Variants in EPHB1 observed in about 807,000 individuals in gnomAD.
EPHB1 encodes the protein EPH receptor B1, also known as ephrin type-B receptor 1.
In EPHB1, 30 loss-of-function variants were observed where a neutral mutation model predicts 94.4. That is an observed-to-expected ratio of 0.32 (90% CI 0.24 to 0.43). EPHB1 has a LOEUF of 0.43. EPHB1 is among the 20% of genes least tolerant of loss of function. The pLI is 1.00. For missense variants in EPHB1, 1,055 were observed against 1,308.3 expected, an observed-to-expected ratio of 0.81 and a Z score of 2.99; for synonymous variants, 522 against 489.1, an observed-to-expected ratio of 1.07 and a Z score of -0.89.
At chr3:135,087,419 TA>T (rs1375473138) in intron 3 of EPHB1, among the ~76,000 whole-genome samples, 1 of 152,158 alleles carries the variant, frequency 6.6e-6, no homozygotes, top group African/African-American at 2.4e-5. Context: ...GTGGAAATGG[TA>T]AAGGGGGAAT....
At chr3:134,992,785 C>G (rs559386830) in intron 3 of EPHB1, among the ~76,000 whole-genome samples, 16 of 152,318 alleles carry the variant, frequency 1.1e-4, no homozygotes, top group African/African-American at 3.8e-4. Flanking sequence ...CACCTCTCTA[C>G]TCACAGTGAG....
chr3:135,212,546 C>T (rs1483134915), intron 12 of EPHB1, among the ~76,000 whole-genome samples: 1 of 152,156 alleles, frequency 6.6e-6, no homozygotes, highest in African/African-American at 2.4e-5. Flanking sequence ...CTTATACATG[C>T]GTGTTTCGGG....
chr3:135,242,643 G>A (rs1395660138), intron 13 of EPHB1, among the ~76,000 whole-genome samples: 1 of 152,154 alleles, frequency 6.6e-6, no homozygotes, highest in Non-Finnish European at 1.5e-5. Flanking sequence ...TATTATCTGG[G>A]ATTAGCAACA....
chr3:134,941,083 G>T (rs951207336), intron 2 of EPHB1, among the ~76,000 whole-genome samples: 1 of 152,208 alleles, frequency 6.6e-6, no homozygotes, highest in African/African-American at 2.4e-5. Flanking sequence ...ATTCATGGAG[G>T]TTATAATGAT....
intron 3 of EPHB1, among the ~76,000 whole-genome samples, chr3:135,058,358 C>T (rs1315877323): frequency 6.6e-6 from 1 of 152,206 alleles, no homozygotes; most frequent in African/African-American, 2.4e-5. Flanking sequence ...GCCCACCTCT[C>T]CTCTCCTGTC....
intron 3 of EPHB1, among the ~76,000 whole-genome samples, chr3:135,005,313 A>G (rs1008396105): frequency 8.5e-5 from 13 of 152,332 alleles, no homozygotes; most frequent in Non-Finnish European, 5.9e-5. Context: ...CAGTCTGCCC[A>G]TTCTCAGATC....
At chr3:135,249,222 A>T (rs1207383816) in intron 14 of EPHB1, 114 bp from the exon 15 acceptor site, 5 of 1,252,972 alleles carry the variant, frequency 4.0e-6, no homozygotes, top group Non-Finnish European at 5.5e-6. Context: ...CTCCACTATA[A>T]TCCTCATTCC....
intron 3 of EPHB1, among the ~76,000 whole-genome samples, chr3:135,031,945 G>A (rs1243087018): frequency 6.6e-6 from 1 of 151,930 alleles, no homozygotes; most frequent in Non-Finnish European, 1.5e-5. Flanking sequence ...CAGTGCTGCT[G>A]TTGGGAAAGC....
chr3:134,842,827 A>G (rs911438824), intron 1 of EPHB1, among the ~76,000 whole-genome samples: 1 of 152,206 alleles, frequency 6.6e-6, no homozygotes, highest in Non-Finnish European at 1.5e-5. Flanking sequence ...CCCATGAAGC[A>G]TGTCCTTACC....
At chr3:135,258,243 T>A (rs545205276) in intron 15 of EPHB1, among the ~76,000 whole-genome samples, 3 of 152,316 alleles carry the variant, frequency 2.0e-5, no homozygotes, top group African/African-American at 7.2e-5. Flanking sequence ...TCACTGTTAA[T>A]TAAATTTTTA....
At chr3:135,201,165 G>A (rs1206754985) in intron 11 of EPHB1, among the ~76,000 whole-genome samples, 4 of 152,032 alleles carry the variant, frequency 2.6e-5, no homozygotes, top group African/African-American at 9.7e-5. Flanking sequence ...TGGATTGGGG[G>A]GCGGGCAAGG....
At chr3:134,884,047 C>A (rs1256074230) in intron 1 of EPHB1, among the ~76,000 whole-genome samples, 3 of 152,238 alleles carry the variant, frequency 2.0e-5, no homozygotes, top group Admixed American at 2.0e-4. Flanking sequence ...TATTTGAACC[C>A]AGGTCCATCC....
intron 12 of EPHB1, among the ~76,000 whole-genome samples, chr3:135,217,468 GCA>G (rs377293384): frequency 4.9e-5 from 5 of 102,114 alleles, no homozygotes; most frequent in African/African-American, 1.3e-4. Context: ...ACACACACAC[GCA>G]CACGGGGAGA....
intron 3 of EPHB1, among the ~76,000 whole-genome samples, chr3:135,095,412 C>A (rs1286271972): frequency 6.6e-6 from 1 of 152,174 alleles, no homozygotes; most frequent in Non-Finnish European, 1.5e-5. Context: ...CTATCTACTT[C>A]TCTCTGTTCC....
chr3:135,138,402 C>A lies in EPHB1; in HGVS notation c.1297+5353C>A, dbSNP rs140152351. Among the ~76,000 whole-genome samples, 620 of 152,160 alleles carry A rather than the reference C, an allele frequency of 4.1e-3. 3 individuals are homozygous for A. Among genetic ancestry groups the A allele is most frequent in the African/African-American group, 0.014 (581 of 41,492 alleles). On this transcript the variant is annotated intron_variant, in intron 5 of 15. Coordinates refer to ENST00000398015, the MANE Select transcript of EPHB1 (RefSeq NM_004441.5). ...AATACATCACCTAATTTGCATTATTCCTTGGTTAAATATAGTATTTGCATG... is the reference window on the plus strand; with the variant it reads ...AATACATCACCTAATTTGCATTATTACTTGGTTAAATATAGTATTTGCATG...
Position 134,807,234 on chromosome 3 carries a change from C to T in EPHB1, c.58+11545C>T, listed in dbSNP as rs569587867. Among the ~76,000 whole-genome samples, 7 of 152,280 alleles carry T rather than the reference C, an allele frequency of 4.6e-5. No individual in the cohort carries two copies. The East Asian group carries it at 1.2e-3, about 25-fold the overall frequency. The stretch of plus-strand genomic sequence containing the variant: ...AGGAGCCACCAGTGTCACAAGTACT[C>T]ACACAGAACACATTTATTGAGCATC... On this transcript the variant is annotated intron_variant, in intron 1 of 15. Transcript: ENST00000398015.
chr3:135,192,688 T>C lies in EPHB1; in HGVS notation c.1995T>C (p.Phe665=), dbSNP rs1448028909. The C allele has an allele frequency of 5.0e-6, 8 of 1,614,178 alleles. No individual in the cohort carries two copies. In the South Asian group the frequency reaches 6.6e-5, roughly 13 times the overall value. The change falls in exon 11 of 16, where the codon TTT becomes TTC. Residue 665 remains phenylalanine (F), a synonymous_variant. Coordinates refer to ENST00000398015, the MANE Select transcript of EPHB1 (RefSeq NM_004441.5). The part of the protein sequence containing the change: ...AGYSEKQRRD[F]LSEASIMGQF... ...ACTCGGAGAAGCAGCGTCGGGACTTTCTGAGTGAGGCGAGCATCATGGGCC... is the reference window on the plus strand; with the variant it reads ...ACTCGGAGAAGCAGCGTCGGGACTTCCTGAGTGAGGCGAGCATCATGGGCC...
intron 3 of EPHB1, among the ~76,000 whole-genome samples, chr3:135,092,183 G>T (rs947674900): frequency 2.0e-5 from 3 of 152,180 alleles, no homozygotes. Flanking sequence ...ACTGAGAAGG[G>T]TGGAGACTGG....
chr3:135,201,476 A>G lies in EPHB1; in HGVS notation c.2133A>G (p.Gln711=), dbSNP rs773843961. ...ENGALDSFLR[Q]NDGQFTVIQL... The stretch of plus-strand genomic sequence containing the variant: ...ATGCCCTCTATGTCTTATTACAGCA[A>G]AATGACGGGCAGTTCACCGTGATCC... The change falls in exon 12 of 16, where the codon CAA becomes CAG. Residue 711 remains glutamine, a splice_region_variant and synonymous_variant. Transcript: ENST00000398015. 6.2e-7 allele frequency: 1 copy of G among 1,614,006 alleles called. No homozygotes were observed. Among genetic ancestry groups the G allele is most frequent in the South Asian group, 1.1e-5 (1 of 91,068 alleles).
Sources: allele counts gnomAD v4.1 joint callset (sites outside exome capture counted in the v4.1 genomes callset), GRCh38; gene constraint gnomAD v4.1.1; transcripts MANE v1.5; gene names NCBI Gene and HGNC (gene_info 2026-07-23, HGNC 2026-07-21).